Variants in TENM2 observed in about 807,000 individuals in gnomAD.
TENM2 encodes the protein teneurin-2.
TENM2 carries 52 observed loss-of-function variants against 245.2 expected under a neutral mutation model. The ratio of observed to expected loss-of-function variants is 0.21; its 90% CI spans 0.17 to 0.27. The LOEUF (loss-of-function observed/expected upper bound fraction) is 0.27. TENM2 is among the 10% of genes least tolerant of loss of function. The pLI is 1.00. For missense variants in TENM2, 3,046 were observed against 3,666.8 expected, an observed-to-expected ratio of 0.83 and a Z score of 4.37; for synonymous variants, 1,363 against 1,438.9, an observed-to-expected ratio of 0.95 and a Z score of 1.19.
upstream of TENM2, among the ~76,000 whole-genome samples, chr5:167,283,042 C>T (rs1771143811): frequency 6.6e-6 from 1 of 151,790 alleles, no homozygotes; most frequent in Admixed American, 6.6e-5. Flanking sequence ...ATATTTGTAC[C>T]CTCTTTTTCT....
chr5:167,468,769 A>T lies in TENM2; in HGVS notation c.502+93296A>T, dbSNP rs535609088. ...CTTTATATTGAATCATTGATTCTCA[A>T]ATGAAATATGTGCTGTATGTATCCC... On this transcript the variant is annotated intron_variant, in intron 2 of 28. Coordinates refer to ENST00000518659, the Ensembl canonical transcript of TENM2. 2.6e-5 allele frequency among the ~76,000 whole-genome samples: 4 copies of T among 152,342 alleles called. No individual in the cohort carries two copies. In the South Asian group the frequency reaches 8.3e-4, roughly 32 times the overall value.
the TENM2 span, among the ~76,000 whole-genome samples, chr5:167,185,492 A>G: frequency 5.9e-5 from 9 of 152,292 alleles, no homozygotes; most frequent in Non-Finnish European, 1.2e-4. Context: ...GTTTCAACAT[A>G]TATTTGAATA....
At chr5:168,225,591 T>TC (rs1764094709) in intron 23 of TENM2, among the ~76,000 whole-genome samples, 1 of 151,800 alleles carries the variant, frequency 6.6e-6, no homozygotes, top group Non-Finnish European at 1.5e-5. Flanking sequence ...CAAAACCCCA[T>TC]CTCTACAAAA....
At chr5:167,445,330 TATATATAG>T (rs1458592969) in intron 2 of TENM2, among the ~76,000 whole-genome samples, 3 of 49,304 alleles carry the variant, frequency 6.1e-5, no homozygotes, top group Non-Finnish European at 1.1e-4. Flanking sequence ...TATATATATA[TATATATAG>T]AGAGAGAGAG....
upstream of TENM2, among the ~76,000 whole-genome samples, chr5:167,280,840 T>C (rs942241369): frequency 6.6e-6 from 1 of 151,764 alleles, no homozygotes; most frequent in Non-Finnish European, 1.5e-5. Flanking sequence ...GCCATATATA[T>C]GGCAAAAAGA....
chr5:167,625,962 G>A lies in TENM2; in HGVS notation c.503-250024G>A, dbSNP rs543181314. On this transcript the variant is annotated intron_variant, in intron 2 of 28. Transcript: ENST00000518659. ...CATAGCTTGCATCCACCAAAGCAGC[G>A]GAGTCAAGAGAAAAGAAGAAGACAT... Among the ~76,000 whole-genome samples, 6 of 152,152 alleles carry A rather than the reference G, an allele frequency of 3.9e-5. No individual in the cohort carries two copies. In the South Asian group the frequency reaches 6.2e-4, roughly 16 times the overall value.
chr5:167,946,351 G>A (rs1779621265), intron 3 of TENM2, among the ~76,000 whole-genome samples: 1 of 116,598 alleles, frequency 8.6e-6, no homozygotes, highest in African/African-American at 4.5e-5. Context: ...TGCCCCTCAC[G>A]CCGCTGGTTA....
chr5:167,033,128 G>A, the TENM2 span, among the ~76,000 whole-genome samples: 4 of 152,164 alleles, frequency 2.6e-5, no homozygotes, highest in East Asian at 5.8e-4. Flanking sequence ...GGACAGACAA[G>A]TGTTTGATCA....
the TENM2 span, among the ~76,000 whole-genome samples, chr5:167,246,552 ATGTC>A: frequency 2.6e-5 from 4 of 152,014 alleles, no homozygotes; most frequent in Non-Finnish European, 5.9e-5. Context: ...TTTTATCTAA[ATGTC>A]TGTATATTTA....
chr5:167,773,235 T>C (rs1763520747), intron 2 of TENM2, among the ~76,000 whole-genome samples: 1 of 152,196 alleles, frequency 6.6e-6, no homozygotes, highest in African/African-American at 2.4e-5. Context: ...ATGTTCTGCC[T>C]ACTTGGAGAA....
intron 2 of TENM2, among the ~76,000 whole-genome samples, chr5:167,614,659 CTG>C (rs1416905470): frequency 6.6e-6 from 1 of 152,046 alleles, no homozygotes; most frequent in Non-Finnish European, 1.5e-5. Flanking sequence ...GCTTTCCAGC[CTG>C]TGTTTTTCTG....
At chr5:167,381,957 T>C (rs1761119115) in intron 2 of TENM2, among the ~76,000 whole-genome samples, 1 of 152,176 alleles carries the variant, frequency 6.6e-6, no homozygotes, top group Admixed American at 6.6e-5. Flanking sequence ...ATCAATTTAA[T>C]TTGGAAAGTA....
the TENM2 span, among the ~76,000 whole-genome samples, chr5:167,068,320 A>T: frequency 6.6e-6 from 1 of 152,180 alleles, no homozygotes; most frequent in Non-Finnish European, 1.5e-5. Flanking sequence ...TACACAGGAC[A>T]TCTGTGTTCT....
the TENM2 span, among the ~76,000 whole-genome samples, chr5:167,060,595 G>T: frequency 6.8e-6 from 1 of 147,734 alleles, no homozygotes; most frequent in East Asian, 2.0e-4. Context: ...AGATTATAGT[G>T]AGCCAAGATC....
At chr5:167,509,116 C>T (rs984442949) in intron 2 of TENM2, among the ~76,000 whole-genome samples, 4 of 152,154 alleles carry the variant, frequency 2.6e-5, no homozygotes, top group African/African-American at 2.4e-5. Flanking sequence ...CCCCACCCAG[C>T]GATCTTTTAA....
At chr5:167,949,249 C>G (rs1347510220) in intron 3 of TENM2, among the ~76,000 whole-genome samples, 1 of 152,140 alleles carries the variant, frequency 6.6e-6, no homozygotes, top group Non-Finnish European at 1.5e-5. Context: ...GCATTCAGCT[C>G]TATCCAGTTG....
At chr5:167,308,247 C>G (rs1432460913) in intron 1 of TENM2, among the ~76,000 whole-genome samples, 1 of 152,112 alleles carries the variant, frequency 6.6e-6, no homozygotes, top group Admixed American at 6.5e-5. Context: ...TAACTTTAAG[C>G]CTAATCCTGA....
intron 2 of TENM2, among the ~76,000 whole-genome samples, chr5:167,705,389 GT>G (rs1261390696): frequency 1.3e-5 from 2 of 152,132 alleles, no homozygotes; most frequent in Non-Finnish European, 2.9e-5. Context: ...AGAAACCTGA[GT>G]GTGCCTGCAC....
intron 2 of TENM2, among the ~76,000 whole-genome samples, chr5:167,593,523 C>T (rs2127711531): frequency 6.6e-6 from 1 of 152,324 alleles, no homozygotes; most frequent in South Asian, 2.1e-4. Flanking sequence ...GGCCCTTTGC[C>T]AAATTGCATT....
Sources: gnomAD v4.1 joint callset for allele counts (sites outside exome capture counted in the v4.1 genomes callset) on GRCh38, gnomAD v4.1.1 for gene constraint, MANE v1.5 for transcripts, NCBI Gene and HGNC (gene_info 2026-07-23, HGNC 2026-07-21) for gene names.